CADPS2: variants seen among roughly 807,000 people sequenced by gnomAD.
The protein encoded by CADPS2 is calcium-dependent secretion activator 2.
In CADPS2, 93 loss-of-function variants were observed where a neutral mutation model predicts 172.5. The observed-to-expected ratio is 0.54, with a 90% CI of 0.46 to 0.64. The LOEUF is 0.64. Ranked by LOEUF, CADPS2 falls within the 30% of genes least tolerant of loss-of-function variation. The pLI is 0.00. For missense variants in CADPS2, 1,420 were observed against 1,565.9 expected (o/e 0.91, Z 1.57); for synonymous variants, 546 against 555.2 (o/e 0.98, Z 0.23).
chr7:122,874,607 C>G (rs951032818), intron 1 of CADPS2, among the ~76,000 whole-genome samples: 4 of 152,124 alleles, frequency 2.6e-5, no homozygotes, highest in African/African-American at 9.7e-5. Context: ...AAGTTGGAGC[C>G]ATCATGCTGA....
chr7:122,772,563 C>T (rs1341609723), intron 1 of CADPS2, among the ~76,000 whole-genome samples: 1 of 152,104 alleles, frequency 6.6e-6, no homozygotes, highest in African/African-American at 2.4e-5. Flanking sequence ...AAAAAATCAA[C>T]AGCTTTCCTG....
intron 17 of CADPS2, chr7:122,424,373 G>A (rs1193838899): frequency 4.1e-6 from 4 of 980,994 alleles, no homozygotes; most frequent in East Asian, 2.3e-4. Flanking sequence ...CCTATGGCCA[G>A]CTGTTGAACA....
chr7:122,832,459 T>C (rs1806860245), intron 1 of CADPS2, among the ~76,000 whole-genome samples: 3 of 152,350 alleles, frequency 2.0e-5, no homozygotes, highest in African/African-American at 4.8e-5. Flanking sequence ...TAAGTTAATC[T>C]TACGCAGCCA....
chr7:122,646,146 ACTGTC>A (rs938319505), intron 3 of CADPS2, among the ~76,000 whole-genome samples: 9 of 151,948 alleles, frequency 5.9e-5, no homozygotes, highest in African/African-American at 2.2e-4. Flanking sequence ...CATACCAAAA[ACTGTC>A]CTAAATTTTT....
rs999023929 is a variant in CADPS2, at chr7:122,411,172, G to T, written c.2589+2896C>A. ...GTTAGTATCTTTTGATTTATGGCTT[G>T]ATTTCTTTATATCTTTTCTACTTTT... On this transcript the variant is annotated intron_variant, in intron 19 of 29. Coordinates refer to ENST00000449022, the MANE Select transcript of CADPS2 (RefSeq NM_017954.11). Among the ~76,000 whole-genome samples, 107 of 150,972 alleles carry T rather than the reference G, an allele frequency of 7.1e-4. 1 individual carries two copies. Among genetic ancestry groups the T allele is most frequent in the Middle Eastern group, 3.5e-3 (1 of 282 alleles).
intron 20 of CADPS2, 106 bp downstream of exon 20, chr7:122,407,434 G>T: frequency 8.2e-7 from 1 of 1,214,612 alleles, no homozygotes; most frequent in Non-Finnish European, 1.1e-6. Flanking sequence ...TGTTACCCAT[G>T]CGAACTCTTG....
rs144846425 is a variant in CADPS2, at chr7:122,580,374, G to A, written c.1335+805C>T. Among the ~76,000 whole-genome samples the A allele has an allele frequency of 4.3e-3, 651 of 149,800 alleles. 5 individuals are homozygous for A. Among genetic ancestry groups the A allele is most frequent in the African/African-American group, 0.015 (611 of 40,620 alleles). On this transcript the variant is annotated intron_variant, in intron 7 of 29. Transcript: ENST00000449022. ...GGAGTCTGAGGCACAAGAATCGCTC[G>A]AATCTAGGAGGTGGGTTGCAATGAG...
intron 28 of CADPS2, among the ~76,000 whole-genome samples, chr7:122,335,311 A>G (rs1474740715): frequency 2.0e-5 from 3 of 152,144 alleles, no homozygotes; most frequent in Non-Finnish European, 4.4e-5. Flanking sequence ...GTGCAGTGAC[A>G]CAATCTTGGC....
chr7:122,817,996 C>CCCCTTATTTCTGCACCCCAT (rs1563091721), intron 1 of CADPS2, among the ~76,000 whole-genome samples: 8 of 148,736 alleles, frequency 5.4e-5, no homozygotes, highest in Non-Finnish European at 1.2e-4. Context: ...CATGCCCCGA[C>CCCCTTATTTCTGCACCCCAT]CCCTTATTTC....
At position 122,853,785 on chromosome 7, in the gene CADPS2, GGAA is replaced by G. The variant is rs377161208; in HGVS notation, c.339+32211_339+32213del. ...AGGCTGGAGGAGTGACAGGAGAGATGGAAGAAGAGAGGGGAAGCAGGAGCGAAA... is the reference window on the plus strand; with the variant it reads ...AGGCTGGAGGAGTGACAGGAGAGATGGAAGAGAGGGGAAGCAGGAGCGAAA... On this transcript the variant is annotated intron_variant, in intron 1 of 29. Transcript: ENST00000449022. Among the ~76,000 whole-genome samples the G allele has an allele frequency of 4.6e-4, 70 of 152,308 alleles. No homozygotes were observed. The East Asian group carries it at 7.2e-3, about 16-fold the overall frequency.
intron 20 of CADPS2, among the ~76,000 whole-genome samples, chr7:122,401,182 C>T (rs1467088541): frequency 3.9e-5 from 6 of 152,122 alleles, no homozygotes; most frequent in Admixed American, 1.3e-4. Flanking sequence ...TGAAAGTCTT[C>T]GAGAATAGGT....
At chr7:122,872,717 T>C (rs2141533411) in intron 1 of CADPS2, among the ~76,000 whole-genome samples, 1 of 152,220 alleles carries the variant, frequency 6.6e-6, no homozygotes, top group Middle Eastern at 3.4e-3. Context: ...GAATGCATTT[T>C]CCTAAATATG....
At position 122,859,738 on chromosome 7, in the gene CADPS2, T is replaced by G. The variant is rs1011984739; in HGVS notation, c.339+26261A>C. ...AGTATTTACATACGGTATTCTCCTG[T>G]ATACTTTAAATCTTCTCCAGGTTAC... On this transcript the variant is annotated intron_variant, in intron 1 of 29. Transcript: ENST00000449022. Among the ~76,000 whole-genome samples, 42 of 152,260 alleles carry G rather than the reference T, an allele frequency of 2.8e-4. 1 individual carries two copies. The highest frequency in any genetic ancestry group is 9.4e-4 in the African/African-American group (39 of 41,540).
chr7:122,477,234 C>T (rs922887252), intron 12 of CADPS2, among the ~76,000 whole-genome samples: 4 of 152,104 alleles, frequency 2.6e-5, no homozygotes, highest in African/African-American at 7.2e-5. Context: ...TGAAAACTGA[C>T]GGGCACAATG....
At chr7:122,395,812 CT>C (rs1293194209) in intron 20 of CADPS2, among the ~76,000 whole-genome samples, 2,911 of 139,708 alleles carry the variant, frequency 0.021, 68 homozygotes, top group African/African-American at 0.062. Context: ...TTTTTTTTTT[CT>C]TTTTTTTTTT....
chr7:122,598,907 C>G (rs375772729), intron 6 of CADPS2, among the ~76,000 whole-genome samples: 3 of 152,000 alleles, frequency 2.0e-5, no homozygotes, highest in African/African-American at 7.2e-5. Flanking sequence ...ACAACTAGAG[C>G]AAACAGTGAG....
At chr7:122,562,496 G>C (rs931054312) in intron 7 of CADPS2, among the ~76,000 whole-genome samples, 15 of 152,142 alleles carry the variant, frequency 9.9e-5, no homozygotes. Context: ...ACAGAACCCT[G>C]CTGAGAGCTT....
At chr7:122,873,235 G>A (rs944540877) in intron 1 of CADPS2, among the ~76,000 whole-genome samples, 53 of 152,076 alleles carry the variant, frequency 3.5e-4, no homozygotes, top group African/African-American at 1.3e-3. Flanking sequence ...GAATGTGCAG[G>A]TTACATAGGC....
At chr7:122,363,015 AG>A (rs1294947757) in intron 25 of CADPS2, among the ~76,000 whole-genome samples, 1 of 151,686 alleles carries the variant, frequency 6.6e-6, no homozygotes, top group Non-Finnish European at 1.5e-5. Flanking sequence ...GCTATCCTAA[AG>A]GATGCCTAGG....
Sources: allele counts gnomAD v4.1 joint callset (sites outside exome capture counted in the v4.1 genomes callset), GRCh38; gene constraint gnomAD v4.1.1; transcripts MANE v1.5; gene names NCBI Gene and HGNC (gene_info 2026-07-23, HGNC 2026-07-21).